Variants in NACA observed in about 807,000 individuals in gnomAD.
The protein encoded by NACA is nascent polypeptide associated complex subunit alpha, also known as nascent polypeptide-associated complex subunit alpha.
In NACA, 42 loss-of-function variants were observed where a neutral mutation model predicts 86.4. The observed-to-expected ratio is 0.49, with a 90% CI of 0.38 to 0.63. The LOEUF (loss-of-function observed/expected upper bound fraction) is 0.63, where lower values mean the gene tolerates loss of function less well. NACA is among the 20% of genes least tolerant of loss of function. The pLI is 0.00. For missense variants in NACA, 2,157 were observed against 2,483.6 expected (o/e 0.87, Z 2.80); for synonymous variants, 898 against 973.7 (o/e 0.92, Z 1.45).
In NACA at chr12:56,713,561, A is replaced by C; in HGVS notation, c.5946T>G (p.Thr1982=). The C allele has an allele frequency of 6.2e-7, 1 of 1,613,974 alleles. No individual in the cohort carries two copies. Among genetic ancestry groups the C allele is most frequent in the Admixed American group, 1.7e-5 (1 of 60,002 alleles). ...CCTTGGCTTCCCCAAAAACTATGTAAGTATCTGAAGCAGGGCTCTTGTAGA... is the reference window on the plus strand; with the variant it reads ...CCTTGGCTTCCCCAAAAACTATGTACGTATCTGAAGCAGGGCTCTTGTAGA... ...PDVYKSPASD[T]YIVFGEAKIE... The change falls in exon 6 of 9, where the codon ACT becomes ACG. Residue 1982 remains threonine (T), a synonymous_variant. Transcript: ENST00000454682.
intron 5 of NACA, 91 bp downstream of exon 5, chr12:56,714,271 A>G: frequency 3.6e-6 from 5 of 1,370,430 alleles, no homozygotes; most frequent in East Asian, 2.3e-5. Context: ...TAACCAAAAT[A>G]CCACCTGTTC....
In NACA at chr12:56,717,105, G is replaced by T; in HGVS notation, c.4425C>A (p.Pro1475=). The T allele has an allele frequency of 7.9e-7, 1 of 1,272,468 alleles. No homozygotes were observed. 78.8% of individuals were successfully genotyped at this position (1,272,468 alleles called of 1,614,324 possible). A position where few individuals can be genotyped will look rare whatever the true frequency, so the allele number is the denominator to read the frequency against. Residue 1475 remains proline (P), a synonymous_variant, in exon 3 of 9, where the codon CCC becomes CCA. Coordinates refer to ENST00000454682, the MANE Select transcript of NACA (RefSeq NM_001365896.1). Reference sequence around the variant, plus strand: ...CTTGTTTGGGGGCTGGGGGCTCCTTGGGGGAAGGAGGAGTCACTGCTGGGA... The same window carrying T: ...CTTGTTTGGGGGCTGGGGGCTCCTTTGGGGAAGGAGGAGTCACTGCTGGGA... ...PTLPAVTPPS[P]KEPPAPKQVA...
chr12:56,719,489 C>G lies in NACA; in HGVS notation c.2041G>C (p.Val681Leu). 6.2e-7 allele frequency: 1 copy of G among 1,613,926 alleles called. No individual in the cohort carries two copies. The highest frequency in any genetic ancestry group is 8.5e-7 in the Non-Finnish European group (1 of 1,179,850). The change falls in exon 3 of 9, where the codon GTC becomes CTC. Residue 681 changes from valine (V) to leucine (L), a missense_variant. Around this residue, in one of 8 missense-constraint regions of NACA, gnomAD observed 947 missense variants for 917.9 expected, o/e 1.03. Coordinates refer to ENST00000454682, the MANE Select transcript of NACA (RefSeq NM_001365896.1). ...GGGTGGTTTTTAGGAGCTAAAGAGA[C>G]AGTTCCTTCTAGAAAAGGGCTGGCT... The part of the protein sequence containing the change: ...TTASPFLEGT[V>L]SLAPKNHPVK...
At position 56,720,827 on chromosome 12, in the gene NACA, G is replaced by A. The variant is rs1016789638; in HGVS notation, c.703C>T (p.Pro235Ser). ...GAAGCGATGGCTAGGGTAGTTGTGG[G>A]TGTTGTCTGAGGAAGGGAGGCCACT... is the stretch of plus-strand genomic sequence containing the variant. The part of the protein sequence containing the change: ...SGVASLPQTT[P>S]TTTLAIASPQ... Residue 235 changes from proline to serine, a missense_variant, in exon 3 of 9, where the codon CCC becomes TCC. By Grantham distance (74) the Pro-to-Ser change is moderately conservative (BLOSUM62 -1). Transcript: ENST00000454682. 1 of 1,613,996 alleles carries A rather than the reference G, an allele frequency of 6.2e-7. No individual in the cohort carries two copies. The highest frequency in any genetic ancestry group is 1.1e-5 in the South Asian group (1 of 91,086).
At position 56,720,844 on chromosome 12, in the gene NACA, G is replaced by T. The variant is rs368954017; in HGVS notation, c.686C>A (p.Ser229Tyr). 1.7e-5 allele frequency: 28 copies of T among 1,613,884 alleles called. No homozygotes were observed. The highest frequency in any genetic ancestry group is 4.0e-5 in the African/African-American group (3 of 74,928). The change falls in exon 3 of 9, where the codon TCC (serine) becomes TAC (tyrosine). Residue 229 changes from serine to tyrosine, a missense_variant. Physicochemically the swap from Ser to Tyr is moderately radical, Grantham distance 144 (BLOSUM62 -2). Around this residue, in one of 8 missense-constraint regions of NACA, gnomAD observed 947 missense variants for 917.9 expected, o/e 1.03. Transcript: ENST00000454682. ...PMASIQSGVA[S>Y]LPQTTPTTTL... ...AGTTGTGGGTGTTGTCTGAGGAAGG[G>T]AGGCCACTCCAGATTGAATAGAGGC...
chr12:56,714,547 G>A (rs374318467), intron 4 of NACA, 55 bp downstream of exon 4: 2 of 1,604,900 alleles, frequency 1.2e-6, no homozygotes, highest in African/African-American at 2.7e-5. Flanking sequence ...TACAAAAGTT[G>A]CCCTGATCAA....
Position 56,716,670 on chromosome 12 carries a change from A to G in NACA, c.4860T>C (p.Thr1620=). The G allele has an allele frequency of 7.0e-7, 1 of 1,430,114 alleles. No individual in the cohort carries two copies. Among genetic ancestry groups the G allele is most frequent in the African/African-American group, 1.4e-5 (1 of 69,214 alleles). 88.6% of individuals were successfully genotyped at this position (1,430,114 alleles called of 1,614,324 possible). A position where few individuals can be genotyped will look rare whatever the true frequency, so the allele number is the denominator to read the frequency against. Residue 1620 remains threonine, a synonymous_variant, in exon 3 of 9, where the codon ACT becomes ACC. Transcript: ENST00000454682. ...PKEAPTPPAV[T]PPSPEKGPAT... ...CTGGGCCCTTTTCGGGGGATGGAGG[A>G]GTCACAGCTGGAGGAGTAGGTGCCT...
chr12:56,714,135 C>A, intron 5 of NACA: 1 of 529,448 alleles, frequency 1.9e-6, no homozygotes. Context: ...GTGTGAGCCA[C>A]CAACCTAGCT....
rs1445356884 is a variant in NACA, at chr12:56,720,253, G to A, written c.1277C>T (p.Pro426Leu). The change falls in exon 3 of 9, where the codon CCT (proline) becomes CTT (leucine). Residue 426 changes from proline to leucine, a missense_variant. Physicochemically the swap from Pro to Leu is moderately conservative, Grantham distance 98. Transcript: ENST00000454682. Reference sequence around the variant, plus strand: ...AGAAACGGGCATTTGGGCCACTAAAGGATAATGATAAGTGGCATTAGGAGA... The same window carrying A: ...AGAAACGGGCATTTGGGCCACTAAAAGATAATGATAAGTGGCATTAGGAGA... ...KSSPNATYHY[P>L]LVAQMPVSSV... The A allele has an allele frequency of 1.9e-5, 30 of 1,613,878 alleles. No individual in the cohort carries two copies. Among genetic ancestry groups the A allele is most frequent in the Non-Finnish European group, 2.5e-5 (30 of 1,179,904 alleles).
Position 56,720,611 on chromosome 12 carries a change from A to G in NACA, c.919T>C (p.Ser307Pro). Residue 307 changes from serine (S) to proline (P), a missense_variant, in exon 3 of 9, where the codon TCT becomes CCT. This residue lies in a region of NACA where 947 missense variants were observed against 917.9 expected (regional missense o/e 1.03). Coordinates refer to ENST00000454682, the MANE Select transcript of NACA (RefSeq NM_001365896.1). ...TPPDFPISLG[S>P]HLAPLHQSSF... Reference sequence around the variant, plus strand: ...CTCTGATGTAAAGGTGCAAGATGAGAGCCCAGAGAAATGGGAAAATCTGGG... The same window carrying G: ...CTCTGATGTAAAGGTGCAAGATGAGGGCCCAGAGAAATGGGAAAATCTGGG... The G allele has an allele frequency of 6.2e-7, 1 of 1,614,012 alleles. No individual in the cohort carries two copies. The highest frequency in any genetic ancestry group is 8.5e-7 in the Non-Finnish European group (1 of 1,179,898).
rs1360131735 is a variant in NACA, at chr12:56,718,807, G to A, written c.2723C>T (p.Ala908Val). 1 of 1,445,028 alleles carries A rather than the reference G, an allele frequency of 6.9e-7. No homozygotes were observed. Among genetic ancestry groups the A allele is most frequent in the African/African-American group, 1.4e-5 (1 of 71,312 alleles). 89.5% of individuals were successfully genotyped at this position (1,445,028 alleles called of 1,614,324 possible). Residue 908 changes from alanine to valine, a missense_variant, in exon 3 of 9, where the codon GCT (alanine) becomes GTT (valine). Transcript: ENST00000454682. ...GGAAGAAGTCATGGATAGAGCAGGA[G>A]CCTGTTTGGGTGCTGGAGTAGCTGG... ...EGPATPAPKQAPALSMTSSSP... is the reference protein window; with the variant it reads ...EGPATPAPKQVPALSMTSSSP...
rs766398764 is a variant in NACA at position 56,720,170 on chromosome 12, T to C, written c.1360A>G (p.Thr454Ala). Residue 454 changes from threonine to alanine, a missense_variant, in exon 3 of 9, where the codon ACT becomes GCT. Physicochemically the swap from Thr to Ala is moderately conservative, Grantham distance 58. Around this residue, in one of 8 missense-constraint regions of NACA, gnomAD observed 947 missense variants for 917.9 expected, o/e 1.03. Coordinates refer to ENST00000454682, the MANE Select transcript of NACA (RefSeq NM_001365896.1). ...TNPCTIAAAP[T>A]TTFEVATCVS... is the part of the protein sequence containing the mutation. The stretch of plus-strand genomic sequence containing the variant: ...CAAGTAGCTACCTCAAAGGTAGTAG[T>C]AGGTGCTGCAGCAATTGTACAGGGG... 4.3e-6 allele frequency: 7 copies of C among 1,613,718 alleles called. No individual in the cohort carries two copies. The South Asian group carries it at 6.6e-5, about 15-fold the overall frequency.
chr12:56,720,229 G>A lies in NACA; in HGVS notation c.1301C>T (p.Ser434Phe). 1 of 1,613,984 alleles carries A rather than the reference G, an allele frequency of 6.2e-7. No homozygotes were observed. The highest frequency in any genetic ancestry group is 8.5e-7 in the Non-Finnish European group (1 of 1,179,886). Residue 434 changes from serine to phenylalanine, a missense_variant, in exon 3 of 9, where the codon TCT becomes TTT. Ser to Phe is a radical substitution (Grantham distance 155, BLOSUM62 -2). Around this residue, in one of 8 missense-constraint regions of NACA, gnomAD observed 947 missense variants for 917.9 expected, o/e 1.03. Coordinates refer to ENST00000454682, the MANE Select transcript of NACA (RefSeq NM_001365896.1). ...CACAAGTGGGGTGGTTCCAACAGAA[G>A]AAACGGGCATTTGGGCCACTAAAGG... ...HYPLVAQMPVSSVGTTPLVVT... is the reference protein window; with the variant it reads ...HYPLVAQMPVFSVGTTPLVVT...
rs752858815 is a variant in NACA at position 56,718,226 on chromosome 12, C to T, written c.3304G>A (p.Ala1102Thr). 1.2e-5 allele frequency: 14 copies of T among 1,133,212 alleles called. No homozygotes were observed. In the African/African-American group the frequency reaches 2.3e-4, roughly 19 times the overall value. 70.2% of individuals were successfully genotyped at this position (1,133,212 alleles called of 1,614,324 possible). The change falls in exon 3 of 9, where the codon GCC becomes ACC. Residue 1102 changes from alanine to threonine, a missense_variant. Physicochemically the swap from Ala to Thr is moderately conservative, Grantham distance 58. Coordinates refer to ENST00000454682, the MANE Select transcript of NACA (RefSeq NM_001365896.1). ...GGPATPSPKGAPMPPAATPPS... is the reference protein window; with the variant it reads ...GGPATPSPKGTPMPPAATPPS... ...GGAGTTGCAGCTGGGGGCATGGGGG[C>T]CCCTTTGGGGGATGGGGTAGCTGGG...
At chr12:56,715,645 A>G (rs1353333692) in intron 3 of NACA, among the ~76,000 whole-genome samples, 2 of 152,114 alleles carry the variant, frequency 1.3e-5, no homozygotes, top group Non-Finnish European at 2.9e-5. Flanking sequence ...ATTACACAAA[A>G]ATGATACACA....
At position 56,724,439 on chromosome 12, in the gene NACA, T is replaced by C. The variant is rs1438554418; in HGVS notation, c.70+13A>G. 4 of 1,605,022 alleles carry C rather than the reference T, an allele frequency of 2.5e-6. No homozygotes were observed. The highest frequency in any genetic ancestry group is 3.4e-6 in the Non-Finnish European group (4 of 1,175,820). On this transcript the variant is annotated intron_variant, in intron 2 of 8. Coordinates refer to ENST00000454682, the MANE Select transcript of NACA (RefSeq NM_001365896.1). ...TAATTTTAATTAATGGCAAGGAGGG[T>C]AGGGAAACCTACCTGTCTCAGCCTG... is the stretch of plus-strand genomic sequence containing the variant.
Position 56,724,461 on chromosome 12 carries a change from C to G in NACA, c.61G>C (p.Ala21Pro). Residue 21 changes from alanine to proline, a missense_variant, in exon 2 of 9, where the codon GCT becomes CCT. By Grantham distance (27) the Ala-to-Pro change is conservative (BLOSUM62 -1). This residue lies in a region of NACA where 947 missense variants were observed against 917.9 expected (regional missense o/e 1.03). Transcript: ENST00000454682. ...ATEQELPQPQ[A>P]ETAVLPMSSA... is the part of the protein sequence containing the mutation. ...GGGTAGGGAAACCTACCTGTCTCAG[C>G]CTGGGGCTGCGGCAACTCCTGCTCT... 6.2e-7 allele frequency: 1 copy of G among 1,611,336 alleles called. No individual in the cohort carries two copies. Among genetic ancestry groups the G allele is most frequent in the Non-Finnish European group, 8.5e-7 (1 of 1,178,834 alleles).
Position 56,721,463 on chromosome 12 carries a change from G to A in NACA, c.71-4C>T. 1 of 1,480,628 alleles carries A rather than the reference G, an allele frequency of 6.8e-7. No homozygotes were observed. Among genetic ancestry groups the A allele is most frequent in the Non-Finnish European group, 8.9e-7 (1 of 1,120,158 alleles). 91.7% of individuals were successfully genotyped at this position (1,480,628 alleles called of 1,614,324 possible). A position where few individuals can be genotyped will look rare whatever the true frequency, so the allele number is the denominator to read the frequency against. On this transcript the variant is annotated splice_region_variant and splice_polypyrimidine_tract_variant and intron_variant, in intron 2 of 8. Coordinates refer to ENST00000454682, the MANE Select transcript of NACA (RefSeq NM_001365896.1). Reference sequence around the variant, plus strand: ...GCTGAAGACATAGGTAGCACAGCTGGAGAAAGGCAAAAGGAGATAAAGAAA... The same window carrying A: ...GCTGAAGACATAGGTAGCACAGCTGAAGAAAGGCAAAAGGAGATAAAGAAA...
In NACA at chr12:56,718,654, G is replaced by T. The variant is rs201572567; in HGVS notation, c.2876C>A (p.Pro959Gln). 8,034 of 1,302,388 alleles carry T rather than the reference G, an allele frequency of 6.2e-3. 42 individuals are homozygous for T. Among genetic ancestry groups the T allele is most frequent in the Non-Finnish European group, 6.8e-3 (6,818 of 1,004,124 alleles). The allele number at this position is 1,302,388 out of a possible 1,614,324, so 80.7% of individuals were successfully genotyped here. The stretch of plus-strand genomic sequence containing the variant: ...AGCTGGGGGTGTGGGGGCCCATTTC[G>T]GGGATGGGGTAGCTGGGCCTCCTTT... The part of the protein sequence containing the change: ...SPKGGPATPS[P>Q]KWAPTPPAAT... The change falls in exon 3 of 9, where the codon CCG (proline) becomes CAG (glutamine). Residue 959 changes from proline (P) to glutamine (Q), a missense_variant. By Grantham distance (76) the Pro-to-Gln change is moderately conservative. Transcript: ENST00000454682.
Sources: gnomAD v4.1 joint callset for allele counts (sites outside exome capture counted in the v4.1 genomes callset) on GRCh38, gnomAD v4.1.1 for gene constraint, gnomAD v4.1.1 regional missense constraint, MANE v1.5 for transcripts, NCBI Gene and HGNC (gene_info 2026-07-23, HGNC 2026-07-21) for gene names.